SAMD5: variants seen among roughly 807,000 people sequenced by gnomAD.
The protein encoded by SAMD5 is sterile alpha motif domain-containing protein 5.
SAMD5 carries 13 observed loss-of-function variants against 11.3 expected under a neutral mutation model. The observed-to-expected ratio is 1.15, with a 90% CI of 0.75 to 1.83. The LOEUF is 1.83. Ranked by LOEUF, SAMD5 falls within the 40% of genes most tolerant of loss-of-function variation. The pLI, the probability that SAMD5 is intolerant of heterozygous loss-of-function variation, is 0.00. For synonymous variants in SAMD5, 129 were observed against 111.3 expected (o/e 1.16, Z -1.00); for missense variants, 255 against 239.1 (o/e 1.07, Z -0.44).
chr6:147,723,309 G>T (rs1185153634), intron 1 of SAMD5, among the ~76,000 whole-genome samples: 1 of 152,104 alleles, frequency 6.6e-6, no homozygotes, highest in Non-Finnish European at 1.5e-5. Context: ...ATCAGTGCAG[G>T]ATTTTAGGTC....
At position 147,730,537 on chromosome 6, in the gene SAMD5, A is replaced by T. The variant is rs145431568; in HGVS notation, c.163-6780A>T. Among the ~76,000 whole-genome samples, 22 of 152,314 alleles carry T rather than the reference A, an allele frequency of 1.4e-4. No individual in the cohort carries two copies. In the East Asian group the frequency reaches 4.2e-3, roughly 29 times the overall value. ...TTCCAGAGGAGCAGGTTTGGGGAAGATTATCAGGAGTTCAGTTTGGGGTAG... is the reference window on the plus strand; with the variant it reads ...TTCCAGAGGAGCAGGTTTGGGGAAGTTTATCAGGAGTTCAGTTTGGGGTAG... On this transcript the variant is annotated intron_variant, in intron 1 of 1. Transcript: ENST00000566741.
chr6:147,529,643 T>C (rs780783318), intron 1 of SAMD5, among the ~76,000 whole-genome samples: 5 of 152,208 alleles, frequency 3.3e-5, no homozygotes, highest in Admixed American at 2.0e-4. Flanking sequence ...CTGAATAAAC[T>C]CATCAGTAAT....
downstream of SAMD5, among the ~76,000 whole-genome samples, chr6:147,739,914 G>A (rs928391604): frequency 6.6e-6 from 1 of 152,038 alleles, no homozygotes; most frequent in Non-Finnish European, 1.5e-5. Flanking sequence ...CTGCCTCCCG[G>A]GTTCAAGCAA....
At chr6:147,631,141 G>C (rs1790144147) in intron 1 of SAMD5, among the ~76,000 whole-genome samples, 1 of 152,196 alleles carries the variant, frequency 6.6e-6, no homozygotes, top group Admixed American at 6.5e-5. Flanking sequence ...GGAAGATTTT[G>C]TGGTAAGGGG....
At chr6:147,527,900 A>G (rs1453927042) in intron 1 of SAMD5, among the ~76,000 whole-genome samples, 1 of 152,104 alleles carries the variant, frequency 6.6e-6, no homozygotes, top group African/African-American at 2.4e-5. Flanking sequence ...CTGCTTCTAG[A>G]GAGGCCTGAG....
chr6:147,521,018 C>T (rs1004617698), intron 1 of SAMD5, among the ~76,000 whole-genome samples: 2 of 152,086 alleles, frequency 1.3e-5, no homozygotes, highest in Admixed American at 6.6e-5. Flanking sequence ...TCCCATTCTC[C>T]TTCCCTCCTG....
At chr6:147,522,177 A>C (rs1006316271) in intron 1 of SAMD5, among the ~76,000 whole-genome samples, 16 of 152,074 alleles carry the variant, frequency 1.1e-4, no homozygotes, top group Non-Finnish European at 2.2e-4. Context: ...TACAGCTCTT[A>C]TTTCTTTCTT....
the SAMD5 span, among the ~76,000 whole-genome samples, chr6:147,912,742 A>G: frequency 2.0e-5 from 3 of 152,198 alleles, no homozygotes; most frequent in African/African-American, 7.2e-5. Flanking sequence ...CAGCTGGAAA[A>G]AAATGGTATG....
the SAMD5 span, among the ~76,000 whole-genome samples, chr6:147,923,781 C>T: frequency 6.6e-6 from 1 of 152,310 alleles, no homozygotes; most frequent in Admixed American, 6.5e-5. Context: ...GTATAGATGA[C>T]ACCTGGGCCC....
At chr6:147,705,435 AT>A (rs141790585) in intron 1 of SAMD5, among the ~76,000 whole-genome samples, 3,256 of 152,306 alleles carry the variant, frequency 0.021, 57 homozygotes, top group South Asian at 0.06. Context: ...TGATGCATCT[AT>A]CCATTTAAAT....
At chr6:147,526,831 A>G (rs540419023) in intron 1 of SAMD5, among the ~76,000 whole-genome samples, 13 of 143,064 alleles carry the variant, frequency 9.1e-5, no homozygotes, top group Non-Finnish European at 1.4e-4. Flanking sequence ...AATGAAGCAT[A>G]AGGTTGGGCT....
At chr6:147,789,110 A>C in the SAMD5 span, among the ~76,000 whole-genome samples, 1 of 144,710 alleles carries the variant, frequency 6.9e-6, no homozygotes, top group African/African-American at 2.6e-5. Context: ...CAAAAAAAAA[A>C]ACACCACCAT....
At chr6:147,527,283 CA>C (rs1788357574) in intron 1 of SAMD5, among the ~76,000 whole-genome samples, 2 of 151,992 alleles carry the variant, frequency 1.3e-5, no homozygotes, top group South Asian at 4.2e-4. Flanking sequence ...CGTCTGCTTC[CA>C]GGGAGGCCTC....
chr6:147,682,326 G>A (rs182646141), intron 1 of SAMD5, among the ~76,000 whole-genome samples: 24 of 152,302 alleles, frequency 1.6e-4, no homozygotes, highest in Admixed American at 1.4e-3. Flanking sequence ...CATTTCAAGT[G>A]GGAGGATAAA....
At chr6:147,616,192 ATATATATTTATTCATATATAC>A (rs1388314590) in intron 1 of SAMD5, among the ~76,000 whole-genome samples, 4 of 124,550 alleles carry the variant, frequency 3.2e-5, no homozygotes, top group African/African-American at 1.3e-4. Context: ...TATATATTTC[ATATATATTTATTCATATATAC>A]TTCATATATA....
the SAMD5 span, among the ~76,000 whole-genome samples, chr6:147,931,219 T>C: frequency 2.6e-5 from 4 of 152,176 alleles, no homozygotes; most frequent in Admixed American, 1.3e-4. Context: ...ATAATCTATT[T>C]TTTCTTACCC....
At chr6:147,911,522 G>A in the SAMD5 span, among the ~76,000 whole-genome samples, 1 of 152,312 alleles carries the variant, frequency 6.6e-6, no homozygotes, top group African/African-American at 2.4e-5. Flanking sequence ...CCACACTCCT[G>A]AGATCTGTGG....
rs1380882938 is a variant in SAMD5 at position 147,652,706 on chromosome 6, G to A, written c.163-84611G>A. Among the ~76,000 whole-genome samples, 9 of 152,158 alleles carry A rather than the reference G, an allele frequency of 5.9e-5. No homozygotes were observed. The East Asian group carries it at 7.7e-4, about 13-fold the overall frequency. On this transcript the variant is annotated intron_variant, in intron 1 of 1. Coordinates refer to the SAMD5 transcript ENST00000566741. Reference sequence around the variant, plus strand: ...TTAAAGGTTCCTGGCAACTCTAACAGTTTATTATCCTACAGTCAAGACACA... The same window carrying A: ...TTAAAGGTTCCTGGCAACTCTAACAATTTATTATCCTACAGTCAAGACACA...
intron 1 of SAMD5, among the ~76,000 whole-genome samples, chr6:147,590,089 T>G (rs147699941): frequency 7.2e-5 from 11 of 152,260 alleles, no homozygotes; most frequent in African/African-American, 2.2e-4. Context: ...AATATGAAAT[T>G]CACTTACTCT....
Sources: gnomAD v4.1 joint callset for allele counts (sites outside exome capture counted in the v4.1 genomes callset) on GRCh38, gnomAD v4.1.1 for gene constraint, MANE v1.5 for transcripts, NCBI Gene and HGNC (gene_info 2026-07-23, HGNC 2026-07-21) for gene names.